BRAF: variants seen among roughly 807,000 people sequenced by gnomAD.
BRAF encodes the protein B-Raf proto-oncogene, serine/threonine kinase, also known as serine/threonine-protein kinase B-raf.
BRAF carries 16 observed loss-of-function variants against 104.6 expected under a neutral mutation model. The ratio of observed to expected loss-of-function variants is 0.15; its 90% CI spans 0.10 to 0.23. The LOEUF is 0.23. Among genes scored for constraint, BRAF ranks in the 10% least tolerant of loss-of-function variants. The probability of loss-of-function intolerance (pLI) is 1.00; values close to 1 mark genes in which losing one functional copy is unlikely to be tolerated. For missense variants in BRAF, 541 were observed against 937.3 expected, an observed-to-expected ratio of 0.58 and a Z score of 5.52; for synonymous variants, 310 against 341.6, an observed-to-expected ratio of 0.91 and a Z score of 1.02.
Position 140,721,905 on chromosome 7 carries a change from G to C in BRAF, c.*4589C>G. 7.9e-7 allele frequency: 1 copy of C among 1,260,288 alleles called. No individual in the cohort carries two copies. The highest frequency in any genetic ancestry group is 9.9e-7 in the Non-Finnish European group (1 of 1,005,252). The allele number at this position is 1,260,288 out of a possible 1,614,324, so 78.1% of individuals were successfully genotyped here. On this transcript the variant is annotated 3_prime_UTR_variant, in exon 20 of 20. Transcript: ENST00000644969. ...AGCTTCATGTGCAATCAAGTCCCGG[G>C]AAGAAATTTACATTTCAAACTCTGA...
intron 1 of BRAF, among the ~76,000 whole-genome samples, chr7:140,888,872 C>T (rs1490329321): frequency 6.6e-6 from 1 of 151,946 alleles, no homozygotes; most frequent in Non-Finnish European, 1.5e-5. Flanking sequence ...GGTCCTTAAC[C>T]AGAAGCAATT....
chr7:140,738,360 G>T (rs1019867714), intron 18 of BRAF, among the ~76,000 whole-genome samples: 2 of 152,120 alleles, frequency 1.3e-5, no homozygotes, highest in Non-Finnish European at 2.9e-5. Context: ...TCTAATTCCT[G>T]TAACATTGAC....
chr7:140,913,765 A>AGCCACT (rs1435311419), intron 1 of BRAF, among the ~76,000 whole-genome samples: 1 of 152,126 alleles, frequency 6.6e-6, no homozygotes, highest in Non-Finnish European at 1.5e-5. Flanking sequence ...TACAGGCGTG[A>AGCCACT]GCCACTGCGC....
chr7:140,801,220 A>G (rs1255190805), intron 6 of BRAF, 192 bp downstream of exon 6: 1 of 614,100 alleles, frequency 1.6e-6, no homozygotes, highest in Non-Finnish European at 2.8e-6. Flanking sequence ...TGTATAGCTG[A>G]ACCAGCATTA....
In BRAF at chr7:140,924,882, C is replaced by A; in HGVS notation, c.-179G>T. 1 of 187,362 alleles carries A rather than the reference C, an allele frequency of 5.3e-6. No individual in the cohort carries two copies. The highest frequency in any genetic ancestry group is 1.4e-4 in the East Asian group (1 of 7,162). 11.6% of individuals were successfully genotyped at this position (187,362 alleles called of 1,614,324 possible). On this transcript the variant is annotated 5_prime_UTR_variant, in exon 1 of 20. Transcript: ENST00000644969. This position sits in a 1 kb window ranked among gnomAD's most constrained non-coding sequence, Gnocchi z 4.2. ...GAGGGCGCCTGGGCCACCTCAGGTA[C>A]CGGCCCGCGGCCCCGGGCGCAGCCG...
chr7:140,812,073 A>G (rs1804329628), intron 3 of BRAF, among the ~76,000 whole-genome samples: 1 of 151,798 alleles, frequency 6.6e-6, no homozygotes, highest in African/African-American at 2.4e-5. Context: ...TAAAGAAGGC[A>G]TTCTTTTTTT....
intron 18 of BRAF, 21 bp from the exon 18 acceptor site, chr7:140,734,791 AAAAAAGAAAAAAAAAG>A: frequency 8.3e-6 from 10 of 1,198,336 alleles, no homozygotes; most frequent in Non-Finnish European, 9.8e-6. Context: ...AAAAAGAAAA[AAAAAAGAAAAAAAAAG>A]AAAAAAGAAA....
At chr7:140,783,827 C>T (rs1447688485) in intron 10 of BRAF, among the ~76,000 whole-genome samples, 1 of 152,220 alleles carries the variant, frequency 6.6e-6, no homozygotes, top group Non-Finnish European at 1.5e-5. Context: ...TCAAGACTTT[C>T]TGAAAAATCT....
At chr7:140,753,247 T>C (rs1360905914) in intron 16 of BRAF, 28 bp downstream of exon 15, 1 of 1,550,364 alleles carries the variant, frequency 6.5e-7, no homozygotes, top group Non-Finnish European at 8.9e-7. Flanking sequence ...AAAAATTTAA[T>C]CAGTGGAAAA....
At chr7:140,916,779 A>G (rs1296641890) in intron 1 of BRAF, among the ~76,000 whole-genome samples, 1 of 152,206 alleles carries the variant, frequency 6.6e-6, no homozygotes, top group East Asian at 1.9e-4. Flanking sequence ...GGTAGAAGAC[A>G]CCTTTGAAAA....
intron 2 of BRAF, among the ~76,000 whole-genome samples, chr7:140,839,664 AG>A (rs1465964894): frequency 2.6e-5 from 4 of 152,192 alleles, no homozygotes; most frequent in Admixed American, 6.5e-5. Flanking sequence ...CAGGAGGTAG[AG>A]GCTGCAATGA....
chr7:140,911,640 A>G (rs1339522460), intron 1 of BRAF, among the ~76,000 whole-genome samples: 1 of 152,238 alleles, frequency 6.6e-6, no homozygotes, highest in Non-Finnish European at 1.5e-5. Context: ...GTGGTAGGAA[A>G]AACATGAGCA....
chr7:140,905,127 G>A (rs867807919), intron 1 of BRAF, among the ~76,000 whole-genome samples: 10 of 152,210 alleles, frequency 6.6e-5, no homozygotes, highest in Middle Eastern at 3.4e-3. Context: ...CCACTGTTGG[G>A]TAGAATGGGT....
At chr7:140,755,220 G>A (rs562524802) in intron 14 of BRAF, among the ~76,000 whole-genome samples, 1 of 152,106 alleles carries the variant, frequency 6.6e-6, no homozygotes, top group Non-Finnish European at 1.5e-5. Flanking sequence ...CATGTCTACT[G>A]AATCAACTAC....
At chr7:140,768,534 C>A (rs1799544768) in intron 14 of BRAF, among the ~76,000 whole-genome samples, 1 of 152,082 alleles carries the variant, frequency 6.6e-6, no homozygotes, top group East Asian at 1.9e-4. Flanking sequence ...ACTTTGTCAC[C>A]CAGGCTGGAG....
At chr7:140,859,216 C>A (rs1284177438) in intron 1 of BRAF, among the ~76,000 whole-genome samples, 1 of 152,124 alleles carries the variant, frequency 6.6e-6, no homozygotes, top group Non-Finnish European at 1.5e-5. Context: ...GAGGTTTCCA[C>A]CCCTGTTTTG....
intron 16 of BRAF, among the ~76,000 whole-genome samples, chr7:140,750,375 G>C (rs533731684): frequency 1.3e-5 from 2 of 152,200 alleles, no homozygotes; most frequent in Non-Finnish European, 2.9e-5. Context: ...TAATGGCACT[G>C]AGCAACAGCT....
At chr7:140,899,210 C>T (rs576163487) in intron 1 of BRAF, among the ~76,000 whole-genome samples, 1 of 143,190 alleles carries the variant, frequency 7.0e-6, no homozygotes, top group African/African-American at 2.6e-5. Context: ...CCCACCCCCC[C>T]ACCCCTCAGC....
Position 140,726,685 on chromosome 7 carries a change from C to A in BRAF, c.2402-169G>T, listed in dbSNP as rs1156872013. ...AACGGCTGAAACCCATGGAAGAACA[C>A]AACATATATAGTATACAGAATATGG... On this transcript the variant is annotated intron_variant, in intron 19 of 19. Coordinates refer to ENST00000644969, the MANE Select transcript of BRAF (RefSeq NM_001374258.1). Among the ~76,000 whole-genome samples, 3 of 152,176 alleles carry A rather than the reference C, an allele frequency of 2.0e-5. No individual in the cohort carries two copies. The East Asian group carries it at 5.8e-4, about 29-fold the overall frequency.
Sources: allele counts gnomAD v4.1 joint callset (sites outside exome capture counted in the v4.1 genomes callset), GRCh38; gene constraint gnomAD v4.1.1; non-coding constraint Gnocchi (gnomAD v3.1); transcripts MANE v1.5; gene names NCBI Gene and HGNC (gene_info 2026-07-23, HGNC 2026-07-21).